The following FHIP1A variants were observed in gnomAD, a reference collection of about 807,000 sequenced individuals.
FHIP1A encodes FHF complex subunit HOOK-interacting protein 1A.
Under a neutral mutation model 88.6 loss-of-function variants are expected in FHIP1A, and 61 were observed. The observed-to-expected ratio is 0.69, with a 90% confidence interval of 0.56 to 0.85. The LOEUF (loss-of-function observed/expected upper bound fraction) is 0.85. FHIP1A is among the 40% of genes least tolerant of loss of function. The pLI, the probability that FHIP1A is intolerant of heterozygous loss-of-function variation, is 0.00. For synonymous variants in FHIP1A, 478 were observed against 496.0 expected, an observed-to-expected ratio of 0.96 and a Z score of 0.48; for missense variants, 1,154 against 1,273.5, an observed-to-expected ratio of 0.91 and a Z score of 1.43.
chr4:151,658,185 T>C lies in FHIP1A; in HGVS notation c.2869+1287T>C, dbSNP rs577755446. 4.6e-5 allele frequency among the ~76,000 whole-genome samples: 7 copies of C among 152,368 alleles called. No homozygotes were observed. The South Asian group carries it at 1.4e-3, about 32-fold the overall frequency. On this transcript the variant is annotated intron_variant, in intron 13 of 13. Transcript: ENST00000435205. ...ACATGGGTGGTAAGTGTGTGACCTG[T>C]GTTCCTCCTGAACAGGGCGCATGCT... is the stretch of plus-strand genomic sequence containing the variant.
intron 3 of FHIP1A, among the ~76,000 whole-genome samples, chr4:151,487,557 C>T (rs1449675886): frequency 1.3e-5 from 2 of 152,182 alleles, no homozygotes; most frequent in Admixed American, 6.5e-5. Flanking sequence ...TGGCATTGAA[C>T]TCATTGTTCT....
At chr4:151,443,724 T>TGTGTGTGTGTG (rs370363970) in intron 1 of FHIP1A, among the ~76,000 whole-genome samples, 54 of 148,224 alleles carry the variant, frequency 3.6e-4, no homozygotes, top group Middle Eastern at 3.5e-3. Flanking sequence ...TGTGTGTGTG[T>TGTGTGTGTGTG]TTAGTACTGG....
At chr4:151,452,314 G>C (rs929699561) in intron 1 of FHIP1A, among the ~76,000 whole-genome samples, 8 of 152,196 alleles carry the variant, frequency 5.3e-5, no homozygotes, top group African/African-American at 1.9e-4. Flanking sequence ...TATTCTGGCA[G>C]ATAAAAATGT....
chr4:151,472,711 C>A (rs764949343), intron 2 of FHIP1A, among the ~76,000 whole-genome samples: 3 of 151,422 alleles, frequency 2.0e-5, no homozygotes, highest in Non-Finnish European at 4.4e-5. Context: ...TTTTGTCAGC[C>A]ACTCTGTTCT....
intron 3 of FHIP1A, among the ~76,000 whole-genome samples, chr4:151,539,761 G>T (rs986034916): frequency 6.6e-6 from 1 of 152,062 alleles, no homozygotes; most frequent in Non-Finnish European, 1.5e-5. Flanking sequence ...GCTGAGTTGT[G>T]TGCATTGTTA....
In FHIP1A at chr4:151,650,020, A is replaced by G. The variant is rs1736956631; in HGVS notation, c.1979A>G (p.Gln660Arg). ...GACTCCGAGGACATGAAGGATTCTC[A>G]GGAGGAAGCTGCTAGGCCACCAGCT... is the stretch of plus-strand genomic sequence containing the variant. ...EKDSEDMKDSQEEAARPPAEA... is the reference protein window; with the variant it reads ...EKDSEDMKDSREEAARPPAEA... The change falls in exon 11 of 14, where the codon CAG (glutamine) becomes CGG (arginine). Residue 660 changes from glutamine to arginine, a missense_variant. Coordinates refer to ENST00000435205, the MANE Select transcript of FHIP1A (RefSeq NM_001109977.3). 2 of 1,551,706 alleles carry G rather than the reference A, an allele frequency of 1.3e-6. No homozygotes were observed. Among genetic ancestry groups the G allele is most frequent in the East Asian group, 4.9e-5 (2 of 40,916 alleles).
chr4:151,439,027 A>G (rs1728309452), intron 1 of FHIP1A, among the ~76,000 whole-genome samples: 1 of 152,222 alleles, frequency 6.6e-6, no homozygotes, highest in South Asian at 2.1e-4. Flanking sequence ...TGTACTCAGC[A>G]TAATACTGAT....
intron 8 of FHIP1A, among the ~76,000 whole-genome samples, chr4:151,637,826 A>G (rs4696278): frequency 0.29 from 43,405 of 152,044 alleles, 6,436 homozygotes; most frequent in Non-Finnish European, 0.33. Context: ...AGATGTTTTG[A>G]GTTAGGCTAA....
intron 1 of FHIP1A, among the ~76,000 whole-genome samples, chr4:151,415,195 G>GT (rs1177634471): frequency 3.1e-4 from 41 of 132,802 alleles, no homozygotes; most frequent in South Asian, 7.2e-4. Flanking sequence ...TTTTTTTTTT[G>GT]TTTTTTTTTG....
At chr4:151,550,349 A>G (rs528518702) in intron 3 of FHIP1A, among the ~76,000 whole-genome samples, 2 of 152,098 alleles carry the variant, frequency 1.3e-5, no homozygotes, top group South Asian at 4.2e-4. Flanking sequence ...TATTTTTTGT[A>G]CCCATTAGCC....
At chr4:151,516,125 A>G (rs1360976000) in intron 3 of FHIP1A, among the ~76,000 whole-genome samples, 1 of 152,238 alleles carries the variant, frequency 6.6e-6, no homozygotes, top group Non-Finnish European at 1.5e-5. Context: ...GGAAGAGAAC[A>G]GAGCCCTCAG....
Position 151,656,493 on chromosome 4 carries a change from T to C in FHIP1A, c.2730+83T>C. The C allele has an allele frequency of 7.2e-7, 1 of 1,387,910 alleles. No homozygotes were observed. The highest frequency in any genetic ancestry group is 9.8e-7 in the Non-Finnish European group (1 of 1,020,974). 86.0% of individuals were successfully genotyped at this position (1,387,910 alleles called of 1,614,324 possible). ...GCATCTATTTCTCTTTATTTTGTTTTTCAAAAATTCCTTTGCTCTAATTCA... is the reference window on the plus strand; with the variant it reads ...GCATCTATTTCTCTTTATTTTGTTTCTCAAAAATTCCTTTGCTCTAATTCA... On this transcript the variant is annotated intron_variant, in intron 12 of 13. Coordinates refer to ENST00000435205, the MANE Select transcript of FHIP1A (RefSeq NM_001109977.3). This position sits in a 1 kb window ranked among gnomAD's most constrained non-coding sequence, Gnocchi z 4.2.
intron 3 of FHIP1A, among the ~76,000 whole-genome samples, chr4:151,517,068 A>G (rs1214535134): frequency 1.3e-5 from 2 of 152,240 alleles, no homozygotes; most frequent in African/African-American, 4.8e-5. Flanking sequence ...TCCAACAATG[A>G]TAGACTGGAT....
chr4:151,429,699 A>G (rs1580554493), intron 1 of FHIP1A, among the ~76,000 whole-genome samples: 1 of 152,094 alleles, frequency 6.6e-6, no homozygotes, highest in East Asian at 1.9e-4. Context: ...AAATACAAAA[A>G]TTAGCCAGGT....
intron 3 of FHIP1A, among the ~76,000 whole-genome samples, chr4:151,565,323 C>T (rs1733345243): frequency 6.6e-6 from 1 of 152,122 alleles, no homozygotes; most frequent in Non-Finnish European, 1.5e-5. Flanking sequence ...ACCTCAATTT[C>T]TTTTTTCCCC....
intron 3 of FHIP1A, among the ~76,000 whole-genome samples, chr4:151,510,246 A>G (rs1048353163): frequency 6.6e-6 from 1 of 152,000 alleles, no homozygotes. Flanking sequence ...CTGGTACCAC[A>G]GATGCATGCC....
intron 8 of FHIP1A, among the ~76,000 whole-genome samples, chr4:151,637,966 CA>C (rs1736417704): frequency 6.6e-6 from 1 of 152,098 alleles, no homozygotes; most frequent in African/African-American, 2.4e-5. Flanking sequence ...TTAAATGGGC[CA>C]GTATGATTGT....
intron 3 of FHIP1A, among the ~76,000 whole-genome samples, chr4:151,531,156 T>G (rs1353366465): frequency 6.6e-6 from 1 of 152,064 alleles, no homozygotes; most frequent in African/African-American, 2.4e-5. Flanking sequence ...GGTATTTTAA[T>G]TAATGATGTG....
In FHIP1A at chr4:151,664,827, TC is replaced by T. The variant is rs1166652213; in HGVS notation, c.*2075del. On this transcript the variant is annotated 3_prime_UTR_variant, in exon 14 of 14. Coordinates refer to ENST00000435205, the MANE Select transcript of FHIP1A (RefSeq NM_001109977.3). ...CTTTGTAGTTTGATTTACACCTTTC[TC>T]CATTATCTGGTGGTGGTGTTGATTC... Among the ~76,000 whole-genome samples, 42 of 152,346 alleles carry T rather than the reference TC, an allele frequency of 2.8e-4. No individual in the cohort carries two copies. The highest frequency in any genetic ancestry group is 9.9e-4 in the African/African-American group (41 of 41,586).
Sources: allele counts gnomAD v4.1 joint callset (sites outside exome capture counted in the v4.1 genomes callset), GRCh38; gene constraint gnomAD v4.1.1; non-coding constraint Gnocchi (gnomAD v3.1); transcripts MANE v1.5; gene names NCBI Gene and HGNC (gene_info 2026-07-23, HGNC 2026-07-21).